Variants in GRIN3A observed in about 807,000 individuals in gnomAD.
GRIN3A encodes glutamate receptor ionotropic, NMDA 3A.
GRIN3A carries 47 observed loss-of-function variants against 92.4 expected under a neutral mutation model. That is an observed-to-expected ratio of 0.51 (90% confidence interval 0.40 to 0.65). The LOEUF (loss-of-function observed/expected upper bound fraction) is 0.65, where lower values mean the gene tolerates loss of function less well. Ranked by LOEUF, GRIN3A falls within the 30% of genes least tolerant of loss-of-function variation. The pLI is 0.00. For missense variants in GRIN3A, 1,324 were observed against 1,393.1 expected (o/e 0.95, Z 0.79); for synonymous variants, 527 against 540.6 (o/e 0.97, Z 0.35).
chr9:101,654,030 T>C (rs1190330645), intron 3 of GRIN3A, among the ~76,000 whole-genome samples: 1 of 151,874 alleles, frequency 6.6e-6, no homozygotes, highest in Non-Finnish European at 1.5e-5. Context: ...CCAAAATGAA[T>C]TACATCTTTA....
intron 3 of GRIN3A, among the ~76,000 whole-genome samples, chr9:101,629,300 C>T (rs1223344356): frequency 3.3e-5 from 5 of 152,140 alleles, no homozygotes; most frequent in Non-Finnish European, 7.4e-5. Flanking sequence ...CACATGCACA[C>T]ACACCTTGGA....
In GRIN3A at chr9:101,737,417, A is replaced by G. The variant is rs1830223795; in HGVS notation, c.563T>C (p.Val188Ala). ...FSFLQSVCHT[V>A]VVQGVSALLA... Reference sequence around the variant, plus strand: ...CAGCGCCGACACCCCTTGCACCACCACGGTATGGCACACACTTTGCAGGAA... The same window carrying G: ...CAGCGCCGACACCCCTTGCACCACCGCGGTATGGCACACACTTTGCAGGAA... The change falls in exon 1 of 9, where the codon GTG becomes GCG. Residue 188 changes from valine to alanine, a missense_variant. Transcript: ENST00000361820. 6.2e-7 allele frequency: 1 copy of G among 1,614,176 alleles called. No individual in the cohort carries two copies.
chr9:101,721,577 A>G (rs1038582735), intron 1 of GRIN3A, among the ~76,000 whole-genome samples: 1 of 152,168 alleles, frequency 6.6e-6, no homozygotes, highest in Non-Finnish European at 1.5e-5. Context: ...AACCTCCTAG[A>G]GAGTTGTTGA....
At chr9:101,638,806 G>T (rs530822109) in intron 3 of GRIN3A, among the ~76,000 whole-genome samples, 92 of 152,264 alleles carry the variant, frequency 6.0e-4, no homozygotes, top group African/African-American at 2.2e-3. Flanking sequence ...ACAAGTTTTT[G>T]GCATTACTAG....
At chr9:101,612,783 T>C (rs996012667) in intron 6 of GRIN3A, among the ~76,000 whole-genome samples, 1 of 152,246 alleles carries the variant, frequency 6.6e-6, no homozygotes, top group Admixed American at 6.5e-5. Flanking sequence ...AAAGAGATTC[T>C]GATTATTTGT....
chr9:101,594,815 C>A (rs576097834), intron 6 of GRIN3A: 6 of 1,611,898 alleles, frequency 3.7e-6, no homozygotes, highest in Middle Eastern at 1.6e-4. Flanking sequence ...GCTCAGAGAC[C>A]CTGATTTGTC....
At chr9:101,574,734 A>G (rs781685710) in intron 8 of GRIN3A, among the ~76,000 whole-genome samples, 34 of 152,192 alleles carry the variant, frequency 2.2e-4, no homozygotes, top group Non-Finnish European at 4.1e-4. Flanking sequence ...TGTTTTGGGC[A>G]ACAGAAAGTG....
chr9:101,590,798 T>C (rs959936707), intron 6 of GRIN3A, among the ~76,000 whole-genome samples: 2 of 152,182 alleles, frequency 1.3e-5, no homozygotes, highest in Non-Finnish European at 2.9e-5. Context: ...GTCAGTACTA[T>C]AAGTAGAGAA....
At chr9:101,628,535 T>C (rs1021328005) in intron 3 of GRIN3A, 134 bp from the exon 4 acceptor site, 6 of 822,032 alleles carry the variant, frequency 7.3e-6, no homozygotes, top group Admixed American at 6.7e-5. Flanking sequence ...AACATGTACA[T>C]AGAAATGTGC....
At chr9:101,641,229 G>A (rs570224721) in intron 3 of GRIN3A, among the ~76,000 whole-genome samples, 1 of 152,174 alleles carries the variant, frequency 6.6e-6, no homozygotes, top group Non-Finnish European at 1.5e-5. Flanking sequence ...TCAGTTTGGC[G>A]ATTCCTCAGG....
chr9:101,576,256 A>G (rs568262975), intron 8 of GRIN3A, among the ~76,000 whole-genome samples: 31 of 152,308 alleles, frequency 2.0e-4, no homozygotes, highest in South Asian at 6.2e-4. Context: ...CTGAGGTTCA[A>G]TACTCCACTG....
At chr9:101,685,201 G>A (rs1829516700) in intron 2 of GRIN3A, among the ~76,000 whole-genome samples, 1 of 151,722 alleles carries the variant, frequency 6.6e-6, no homozygotes, top group Non-Finnish European at 1.5e-5. Context: ...CTTACATATG[G>A]CATTTGGCAT....
At chr9:101,720,471 C>T (rs1467801465) in intron 1 of GRIN3A, among the ~76,000 whole-genome samples, 1 of 152,076 alleles carries the variant, frequency 6.6e-6, no homozygotes, top group Non-Finnish European at 1.5e-5. Context: ...GTTCTCCTCC[C>T]GACTCCATAT....
intron 5 of GRIN3A, among the ~76,000 whole-genome samples, chr9:101,616,618 TTTTC>T (rs1199017632): frequency 3.3e-5 from 5 of 151,680 alleles, no homozygotes; most frequent in Non-Finnish European, 7.4e-5. Context: ...TCTCAAGCCT[TTTTC>T]TTTTAAAGAA....
intron 3 of GRIN3A, among the ~76,000 whole-genome samples, chr9:101,657,543 T>TGGAGTA (rs1829105943): frequency 6.6e-6 from 1 of 151,806 alleles, no homozygotes; most frequent in South Asian, 2.1e-4. Context: ...GAAGGTAGAG[T>TGGAGTA]GGAGTAACGA....
intron 1 of GRIN3A, among the ~76,000 whole-genome samples, chr9:101,733,129 C>T (rs3983721): frequency 0.42 from 64,247 of 151,984 alleles, 13,813 homozygotes; most frequent in Non-Finnish European, 0.47. Context: ...TGGCATCAGT[C>T]TTCAGATACC....
rs549679451 is a variant in GRIN3A, at chr9:101,701,473, G to T, written c.700-14273C>A. Reference sequence around the variant, plus strand: ...GTAAGTGAGACCATGCCTAGCCATTGCAGAAAATTGAAACTGGGCCCCTAC... The same window carrying T: ...GTAAGTGAGACCATGCCTAGCCATTTCAGAAAATTGAAACTGGGCCCCTAC... On this transcript the variant is annotated intron_variant, in intron 1 of 8. Transcript: ENST00000361820. Among the ~76,000 whole-genome samples, 68 of 152,130 alleles carry T rather than the reference G, an allele frequency of 4.5e-4. 1 individual carries two copies. Among genetic ancestry groups the T allele is most frequent in the African/African-American group, 1.6e-3 (66 of 41,520 alleles).
chr9:101,738,044 G>T lies in GRIN3A; in HGVS notation c.-65C>A. 4 of 1,362,958 alleles carry T rather than the reference G, an allele frequency of 2.9e-6. No individual in the cohort carries two copies. Among genetic ancestry groups the T allele is most frequent in the Non-Finnish European group, 4.0e-6 (4 of 991,108 alleles). 84.4% of individuals were successfully genotyped at this position (1,362,958 alleles called of 1,614,324 possible). On this transcript the variant is annotated 5_prime_UTR_variant, in exon 1 of 9. Transcript: ENST00000361820. ...CCCGGCTCGCCCCTCTGCAGCCGCTGCCTGAGGTCTCCGCCTCCAGGTCCC... is the reference window on the plus strand; with the variant it reads ...CCCGGCTCGCCCCTCTGCAGCCGCTTCCTGAGGTCTCCGCCTCCAGGTCCC...
At chr9:101,578,526 TTGCTGTGG>T (rs1007562617) in intron 7 of GRIN3A, among the ~76,000 whole-genome samples, 1 of 152,222 alleles carries the variant, frequency 6.6e-6, no homozygotes, top group African/African-American at 2.4e-5. Flanking sequence ...TCATCCAGCC[TTGCTGTGG>T]TCAAGTGAAA....
Sources: gnomAD v4.1 joint callset for allele counts (sites outside exome capture counted in the v4.1 genomes callset) on GRCh38, gnomAD v4.1.1 for gene constraint, MANE v1.5 for transcripts, NCBI Gene and HGNC (gene_info 2026-07-23, HGNC 2026-07-21) for gene names.